Variants in CCDC85A observed in about 807,000 individuals in gnomAD.
CCDC85A encodes coiled-coil domain containing 85A, also known as coiled-coil domain-containing protein 85A.
CCDC85A carries 38 observed loss-of-function variants against 50.2 expected under a neutral mutation model. The ratio of observed to expected loss-of-function variants is 0.76; its 90% confidence interval spans 0.58 to 0.99. CCDC85A has a LOEUF of 0.99. Among genes scored for constraint, CCDC85A ranks in the 50% least tolerant of loss-of-function variants. The pLI, the probability that CCDC85A is intolerant of heterozygous loss-of-function variation, is 0.00. For missense variants in CCDC85A, 820 were observed against 742.0 expected, an observed-to-expected ratio of 1.11 and a Z score of -1.22; for synonymous variants, 366 against 301.4, an observed-to-expected ratio of 1.21 and a Z score of -2.22.
At chr2:56,374,046 C>T (rs1002031847) in intron 4 of CCDC85A, among the ~76,000 whole-genome samples, 1 of 152,160 alleles carries the variant, frequency 6.6e-6, no homozygotes, top group African/African-American at 2.4e-5. Flanking sequence ...CTGATTTGAT[C>T]TGGTTTATAA....
intron 2 of CCDC85A, among the ~76,000 whole-genome samples, chr2:56,262,311 G>T (rs1204470227): frequency 9.6e-6 from 1 of 104,634 alleles, no homozygotes; most frequent in Non-Finnish European, 2.7e-5. Flanking sequence ...GAATAGGAGT[G>T]CATCAGATGT....
intron 3 of CCDC85A, among the ~76,000 whole-genome samples, chr2:56,349,448 T>C (rs1268220018): frequency 6.6e-6 from 1 of 152,040 alleles, no homozygotes; most frequent in Admixed American, 6.5e-5. Flanking sequence ...AAAACCTAAA[T>C]AAATGGAAAC....
intron 2 of CCDC85A, among the ~76,000 whole-genome samples, chr2:56,234,935 T>C (rs765754977): frequency 4.6e-5 from 7 of 152,212 alleles, no homozygotes; most frequent in Non-Finnish European, 1.0e-4. Context: ...AGATGTTCCA[T>C]GTAGCTATAA....
At chr2:56,358,780 T>C (rs116519340) in intron 3 of CCDC85A, among the ~76,000 whole-genome samples, 2,665 of 131,724 alleles carry the variant, frequency 0.02, 71 homozygotes, top group African/African-American at 0.067. Flanking sequence ...TATTTTTGTC[T>C]TTTTTTCTTT....
chr2:56,288,462 TAATG>T (rs930045220), intron 2 of CCDC85A, among the ~76,000 whole-genome samples: 1 of 152,300 alleles, frequency 6.6e-6, no homozygotes, highest in African/African-American at 2.4e-5. Flanking sequence ...ACTTCATAAA[TAATG>T]AAGTTATTAT....
chr2:56,252,205 C>T (rs1310278041), intron 2 of CCDC85A, among the ~76,000 whole-genome samples: 1 of 152,066 alleles, frequency 6.6e-6, no homozygotes, highest in Admixed American at 6.6e-5. Flanking sequence ...TGCCACCATG[C>T]CCAGCTAATT....
Position 56,385,691 on chromosome 2 carries a change from C to T in CCDC85A, c.*1336C>T, listed in dbSNP as rs1205509430. Reference sequence around the variant, plus strand: ...CTGTTGTTGTTGTTTTAGATGGGCTCATTACATAACGAGTTAATTGTCACT... The same window carrying T: ...CTGTTGTTGTTGTTTTAGATGGGCTTATTACATAACGAGTTAATTGTCACT... On this transcript the variant is annotated 3_prime_UTR_variant, in exon 6 of 6. Transcript: ENST00000407595. The T allele has an allele frequency of 2.6e-5, 4 of 151,764 alleles. No individual in the cohort carries two copies. Among genetic ancestry groups the T allele is most frequent in the Admixed American group, 6.6e-5 (1 of 15,156 alleles). The allele number at this position is 151,764 out of a possible 1,614,324, so 9.4% of individuals were successfully genotyped here. A position where few individuals can be genotyped will look rare whatever the true frequency, so the allele number is the denominator to read the frequency against.
At chr2:56,363,498 A>G (rs1490149179) in intron 3 of CCDC85A, among the ~76,000 whole-genome samples, 1 of 152,222 alleles carries the variant, frequency 6.6e-6, no homozygotes, top group African/African-American at 2.4e-5. Flanking sequence ...GATACATACA[A>G]GAAGCTGACT....
chr2:56,257,056 T>G (rs1670014250), intron 2 of CCDC85A, among the ~76,000 whole-genome samples: 1 of 152,204 alleles, frequency 6.6e-6, no homozygotes, highest in South Asian at 2.1e-4. Context: ...GTCAATAAAC[T>G]CACTCTCCAT....
In CCDC85A at chr2:56,193,053, T is replaced by C. The variant is rs1573003676; in HGVS notation, c.853T>C (p.Leu285=). The C allele has an allele frequency of 1.9e-6, 3 of 1,611,842 alleles. No individual in the cohort carries two copies. Among genetic ancestry groups the C allele is most frequent in the African/African-American group, 1.3e-5 (1 of 74,248 alleles). Reference sequence around the variant, plus strand: ...ACCTAGCCCGGAGCACCACAAACCCTTGTGCAAGGGCAGCCCCGAACAGCA... The same window carrying C: ...ACCTAGCCCGGAGCACCACAAACCCCTGTGCAAGGGCAGCCCCGAACAGCA... ...KGPSPEHHKP[L]CKGSPEQQRH... Residue 285 remains leucine (L), a synonymous_variant, in exon 2 of 6, where the codon TTG becomes CTG. Transcript: ENST00000407595.
chr2:56,273,224 C>A (rs1451091030), intron 2 of CCDC85A, among the ~76,000 whole-genome samples: 2 of 151,970 alleles, frequency 1.3e-5, no homozygotes, highest in African/African-American at 4.8e-5. Context: ...AGTTTCGGAT[C>A]TAATATGAAT....
intron 2 of CCDC85A, among the ~76,000 whole-genome samples, chr2:56,200,945 T>A (rs865851615): frequency 2.0e-4 from 30 of 152,004 alleles, no homozygotes; most frequent in African/African-American, 4.8e-4. Context: ...TTTTTTTTTT[T>A]ATTTAAAAAT....
At chr2:56,266,578 G>GGCCCC (rs71393521) in intron 2 of CCDC85A, among the ~76,000 whole-genome samples, 16 of 60,328 alleles carry the variant, frequency 2.7e-4, no homozygotes, top group Admixed American at 3.2e-4. Context: ...ACAATAACGC[G>GGCCCC]CCCCCCCCCC....
chr2:56,288,755 G>C (rs764991356), intron 2 of CCDC85A, among the ~76,000 whole-genome samples: 1 of 150,438 alleles, frequency 6.6e-6, no homozygotes. Context: ...AAATCTGTTT[G>C]TGCCTAAATT....
At chr2:56,244,454 T>A (rs1669411525) in intron 2 of CCDC85A, among the ~76,000 whole-genome samples, 1 of 151,898 alleles carries the variant, frequency 6.6e-6, no homozygotes, top group Non-Finnish European at 1.5e-5. Flanking sequence ...GGGACTCTCC[T>A]TTCAGGGACT....
intron 3 of CCDC85A, among the ~76,000 whole-genome samples, chr2:56,347,828 C>G (rs148546391): frequency 2.6e-5 from 4 of 152,280 alleles, no homozygotes; most frequent in South Asian, 4.1e-4. Flanking sequence ...GCTCTTTCTA[C>G]TCCATTCATT....
intron 2 of CCDC85A, among the ~76,000 whole-genome samples, chr2:56,311,984 G>T (rs1672714466): frequency 6.6e-6 from 1 of 152,154 alleles, no homozygotes; most frequent in South Asian, 2.1e-4. Flanking sequence ...GTCCTTGGAA[G>T]CTCAGATAAA....
chr2:56,221,356 C>T (rs892929974), intron 2 of CCDC85A, among the ~76,000 whole-genome samples: 1 of 151,718 alleles, frequency 6.6e-6, no homozygotes, highest in African/African-American at 2.4e-5. Context: ...CTGAGATTAA[C>T]TGATACTTTC....
At chr2:56,343,781 T>A (rs1021231817) in intron 3 of CCDC85A, among the ~76,000 whole-genome samples, 1 of 152,308 alleles carries the variant, frequency 6.6e-6, no homozygotes, top group East Asian at 1.9e-4. Context: ...CATAAATGAC[T>A]AAGGCAAAAT....
Sources: allele counts gnomAD v4.1 joint callset (sites outside exome capture counted in the v4.1 genomes callset), GRCh38; gene constraint gnomAD v4.1.1; transcripts MANE v1.5; gene names NCBI Gene and HGNC (gene_info 2026-07-23, HGNC 2026-07-21).